The following SCARB1 variants were observed in gnomAD, a reference collection of about 807,000 sequenced individuals.
SCARB1 encodes CD36 and LIMPII analogous 1.
SCARB1 carries 30 observed loss-of-function variants against 57.2 expected under a neutral mutation model. The observed-to-expected ratio is 0.52, with a 90% CI of 0.39 to 0.71. The LOEUF is 0.71. Among genes scored for constraint, SCARB1 ranks in the 30% least tolerant of loss-of-function variants. SCARB1 has a pLI of 0.00. For missense variants in SCARB1, 543 were observed against 671.2 expected, an observed-to-expected ratio of 0.81 and a Z score of 2.11; for synonymous variants, 249 against 268.3, an observed-to-expected ratio of 0.93 and a Z score of 0.70.
At chr12:124,854,577 G>C (rs1419099041) in intron 1 of SCARB1, among the ~76,000 whole-genome samples, 3 of 152,194 alleles carry the variant, frequency 2.0e-5, no homozygotes, top group Non-Finnish European at 2.9e-5. Context: ...GAGAGGTGAT[G>C]GTGCCTTGGA....
intron 2 of SCARB1, 111 bp from the exon 3 acceptor site, chr12:124,815,225 A>C (rs1594279041): frequency 4.0e-6 from 5 of 1,237,600 alleles, no homozygotes; most frequent in Non-Finnish European, 4.6e-6. Context: ...GTCTGTGCAC[A>C]CCTCCGGCCC....
intron 1 of SCARB1, among the ~76,000 whole-genome samples, chr12:124,833,242 T>C (rs1197402647): frequency 6.6e-6 from 1 of 150,840 alleles, no homozygotes; most frequent in Non-Finnish European, 1.5e-5. Context: ...CAGGCTGGAA[T>C]GCAGTGGTGT....
chr12:124,790,205 G>A (rs1949678007), intron 9 of SCARB1, among the ~76,000 whole-genome samples: 1 of 151,170 alleles, frequency 6.6e-6, no homozygotes, highest in Non-Finnish European at 1.5e-5. Flanking sequence ...TGAGACCCCT[G>A]TCTCTACAAA....
intron 6 of SCARB1, among the ~76,000 whole-genome samples, chr12:124,809,040 A>T (rs1264637035): frequency 6.6e-6 from 1 of 152,228 alleles, no homozygotes. Context: ...TATTATGTCA[A>T]TGCCAAATTT....
chr12:124,862,535 A>G (rs1952940340), intron 1 of SCARB1: 1 of 152,176 alleles, frequency 6.6e-6, no homozygotes, highest in African/African-American at 2.4e-5. Context: ...GTGGACAAGG[A>G]ACCATTCTTA....
chr12:124,807,866 C>T lies in SCARB1; in HGVS notation c.904G>A (p.Val302Met), dbSNP rs1281210178. Residue 302 changes from valine to methionine, a missense_variant, in exon 7 of 13, where the codon GTG becomes ATG. Physicochemically the swap from Val to Met is conservative, Grantham distance 21 (BLOSUM62 1). Transcript: ENST00000261693. The surrounding 1 kb of genome is among the most constrained non-coding windows in gnomAD (Gnocchi z 5.3). ...TTGGCAAACAGGGTTTTGGGAGCCA[C>T]GAAGCGATAGGTGGGGATGCCTTCA... is the stretch of plus-strand genomic sequence containing the variant. ...VFEGIPTYRF[V>M]APKTLFANGS... 3.7e-6 allele frequency: 6 copies of T among 1,614,110 alleles called. No individual in the cohort carries two copies. Among genetic ancestry groups the T allele is most frequent in the Admixed American group, 3.3e-5 (2 of 60,022 alleles).
In SCARB1 at chr12:124,824,417, C is replaced by T. The variant is rs79129249; in HGVS notation, c.127-6710G>A. On this transcript the variant is annotated intron_variant, in intron 1 of 12. Transcript: ENST00000261693. ...GGTGGGTGACTGCTTAATGGGTACA[C>T]GGTAATGAGAATGCTTTGGAACTAG... is the stretch of plus-strand genomic sequence containing the variant. Among the ~76,000 whole-genome samples the T allele has an allele frequency of 0.038, 5,812 of 152,204 alleles. 762 individuals are homozygous for T. The East Asian group carries it at 0.48, about 13-fold the overall frequency.
Position 124,778,258 on chromosome 12 carries a change from A to C in SCARB1, c.*329T>G. ...GGGACAGGCCAGGCTCACCCGAGGAAGGGGACGCAGGACCCACAGCCCCTG... is the reference window on the plus strand; with the variant it reads ...GGGACAGGCCAGGCTCACCCGAGGACGGGGACGCAGGACCCACAGCCCCTG... On this transcript the variant is annotated 3_prime_UTR_variant, in exon 13 of 13. Transcript: ENST00000261693. 4 of 412,588 alleles carry C rather than the reference A, an allele frequency of 9.7e-6. No individual in the cohort carries two copies. Among genetic ancestry groups the C allele is most frequent in the Non-Finnish European group, 8.3e-6 (2 of 242,384 alleles). The allele number at this position is 412,588 out of a possible 1,614,324, so 25.6% of individuals were successfully genotyped here. A position where few individuals can be genotyped will look rare whatever the true frequency, so the allele number is the denominator to read the frequency against.
chr12:124,862,990 T>C (rs1952962941), intron 1 of SCARB1, among the ~76,000 whole-genome samples: 1 of 152,186 alleles, frequency 6.6e-6, no homozygotes, highest in Non-Finnish European at 1.5e-5. Flanking sequence ...GACTGAATCA[T>C]GGAGGCAGTG....
chr12:124,798,862 A>C (rs1433265587), intron 8 of SCARB1, among the ~76,000 whole-genome samples: 1 of 150,450 alleles, frequency 6.6e-6, no homozygotes, highest in Non-Finnish European at 1.5e-5. Context: ...AAAAAGAAAA[A>C]AAGTTGAATT....
chr12:124,826,235 G>A (rs1261242804), intron 1 of SCARB1, among the ~76,000 whole-genome samples: 2 of 151,128 alleles, frequency 1.3e-5, no homozygotes, highest in Non-Finnish European at 2.9e-5. Flanking sequence ...GGAGGCTTAA[G>A]TGGGAGGATC....
chr12:124,817,252 A>G lies in SCARB1; in HGVS notation c.284+298T>C, dbSNP rs1490669432. Among the ~76,000 whole-genome samples, 1 of 144,222 alleles carries G rather than the reference A, an allele frequency of 6.9e-6. No individual in the cohort carries two copies. Among genetic ancestry groups the G allele is most frequent in the Non-Finnish European group, 1.5e-5 (1 of 66,358 alleles). 94.6% of individuals were successfully genotyped at this position (144,222 alleles called of 152,430 possible). On this transcript the variant is annotated intron_variant, in intron 2 of 12. Coordinates refer to ENST00000261693, the MANE Select transcript of SCARB1 (RefSeq NM_005505.5). The surrounding 1 kb of genome is among the most constrained non-coding windows in gnomAD (Gnocchi z 4.8). Reference sequence around the variant, plus strand: ...GAACCTCTCTAGGCAACGTCTGGTGATTCGCACCTGTAATCCCAGCACTTT... The same window carrying G: ...GAACCTCTCTAGGCAACGTCTGGTGGTTCGCACCTGTAATCCCAGCACTTT...
At chr12:124,781,570 C>G (rs753993954) in intron 12 of SCARB1, among the ~76,000 whole-genome samples, 30 of 152,114 alleles carry the variant, frequency 2.0e-4, no homozygotes, top group Non-Finnish European at 3.7e-4. Flanking sequence ...AACGCAGAAC[C>G]CCCAGGGGCA....
rs182357307 is a variant in SCARB1 at position 124,782,944 on chromosome 12, C to T, written c.1402-133G>A. ...AAGTTTAGAGTCCAACAACCCTCAACGATTGCAGGTGGCTGAGATGTGGGG... is the reference window on the plus strand; with the variant it reads ...AAGTTTAGAGTCCAACAACCCTCAATGATTGCAGGTGGCTGAGATGTGGGG... On this transcript the variant is annotated intron_variant, in intron 11 of 12. Transcript: ENST00000261693. 105 of 875,814 alleles carry T rather than the reference C, an allele frequency of 1.2e-4. No homozygotes were observed. The African/African-American group carries it at 1.2e-3, about 10-fold the overall frequency. 54.3% of individuals were successfully genotyped at this position (875,814 alleles called of 1,614,324 possible).
intron 12 of SCARB1, among the ~76,000 whole-genome samples, chr12:124,779,991 AC>A (rs1873133297): frequency 6.6e-6 from 1 of 152,282 alleles, no homozygotes; most frequent in Admixed American, 6.5e-5. Flanking sequence ...AGAAGGTCTC[AC>A]TCAGAAGTAG....
At chr12:124,779,088 C>A (rs900951924) in intron 12 of SCARB1, among the ~76,000 whole-genome samples, 1 of 152,044 alleles carries the variant, frequency 6.6e-6, no homozygotes, top group Non-Finnish European at 1.5e-5. Flanking sequence ...GTGGCCGGGA[C>A]AATGACACGT....
At chr12:124,820,616 C>A (rs1209285457) in intron 1 of SCARB1, among the ~76,000 whole-genome samples, 1 of 152,196 alleles carries the variant, frequency 6.6e-6, no homozygotes, top group African/African-American at 2.4e-5. Flanking sequence ...CTGGGACAGA[C>A]CCTGCAGCCC....
intron 1 of SCARB1, among the ~76,000 whole-genome samples, chr12:124,833,052 T>A (rs775813554): frequency 3.3e-5 from 5 of 152,098 alleles, no homozygotes; most frequent in African/African-American, 4.8e-5. Context: ...CCTTGGCTCC[T>A]GTCCCCTTAT....
At position 124,789,116 on chromosome 12, in the gene SCARB1, C is replaced by G. The variant is rs1949631667; in HGVS notation, c.1203-1659G>C. On this transcript the variant is annotated intron_variant, in intron 9 of 12. Coordinates refer to ENST00000261693, the MANE Select transcript of SCARB1 (RefSeq NM_005505.5). This position sits in a 1 kb window ranked among gnomAD's most constrained non-coding sequence, Gnocchi z 4.4. ...AATCCAAAGGGAGAATAAAAGTAAA[C>G]TTGATACTGCAGAAACGTCACAGGC... 6.6e-6 allele frequency among the ~76,000 whole-genome samples: 1 copy of G among 152,154 alleles called. No individual in the cohort carries two copies.
Sources: gnomAD v4.1 joint callset for allele counts (sites outside exome capture counted in the v4.1 genomes callset) on GRCh38, gnomAD v4.1.1 for gene constraint, Gnocchi (gnomAD v3.1) non-coding constraint, MANE v1.5 for transcripts, NCBI Gene and HGNC (gene_info 2026-07-23, HGNC 2026-07-21) for gene names.